CNTNAP2: variants seen among roughly 807,000 people sequenced by gnomAD.
The protein encoded by CNTNAP2 is contactin associated protein 2.
A neutral mutation model predicts 155.2 loss-of-function variants in CNTNAP2; 98 were observed. The observed-to-expected ratio is 0.63, with a 90% CI of 0.54 to 0.75. CNTNAP2 has a LOEUF of 0.75. Ranked by LOEUF, CNTNAP2 falls within the 30% of genes least tolerant of loss-of-function variation. CNTNAP2 has a pLI of 0.00. For missense variants in CNTNAP2, 1,727 were observed against 1,688.1 expected (o/e 1.02, Z -0.40); for synonymous variants, 651 against 631.2 (o/e 1.03, Z -0.47).
chr7:147,218,921 A>G (rs1400518103), intron 8 of CNTNAP2, among the ~76,000 whole-genome samples: 1 of 152,184 alleles, frequency 6.6e-6, no homozygotes, highest in African/African-American at 2.4e-5. Flanking sequence ...AGGCACATAC[A>G]TGTTAAGAAT....
chr7:148,357,151 G>A (rs745550165), intron 21 of CNTNAP2, among the ~76,000 whole-genome samples: 60 of 152,132 alleles, frequency 3.9e-4, no homozygotes, highest in Non-Finnish European at 2.2e-4. Context: ...CCAGTGGGAC[G>A]TAATTGAATC....
chr7:147,357,362 T>G (rs561322921), intron 9 of CNTNAP2, among the ~76,000 whole-genome samples: 1 of 152,198 alleles, frequency 6.6e-6, no homozygotes, highest in Non-Finnish European at 1.5e-5. Flanking sequence ...CCACACAGCA[T>G]TCTTAGCATT....
intron 2 of CNTNAP2, among the ~76,000 whole-genome samples, chr7:146,807,805 T>C (rs1223619589): frequency 1.3e-5 from 2 of 152,052 alleles, no homozygotes; most frequent in Non-Finnish European, 2.9e-5. Context: ...TCTCATGAGG[T>C]ATGTTCTTCC....
intron 15 of CNTNAP2, among the ~76,000 whole-genome samples, chr7:148,066,214 G>A (rs1399832861): frequency 6.6e-6 from 1 of 152,170 alleles, no homozygotes. Flanking sequence ...CAGCTCGTAA[G>A]ATTCTTTCCT....
intron 8 of CNTNAP2, among the ~76,000 whole-genome samples, chr7:147,268,138 G>A (rs565454258): frequency 7.9e-5 from 12 of 152,196 alleles, no homozygotes; most frequent in Non-Finnish European, 1.2e-4. Context: ...TTTATAAATG[G>A]TGTTTAATGC....
intron 2 of CNTNAP2, among the ~76,000 whole-genome samples, chr7:146,788,186 C>G (rs900246848): frequency 6.6e-6 from 1 of 152,224 alleles, no homozygotes; most frequent in Non-Finnish European, 1.5e-5. Context: ...CGGCGCCCAC[C>G]TGGAACCCGT....
At chr7:146,621,029 T>C (rs934241424) in intron 1 of CNTNAP2, among the ~76,000 whole-genome samples, 1 of 152,146 alleles carries the variant, frequency 6.6e-6, no homozygotes, top group African/African-American at 2.4e-5. Flanking sequence ...TTTAGCTACA[T>C]TGAACCGGGA....
intron 4 of CNTNAP2, among the ~76,000 whole-genome samples, chr7:147,104,944 G>GATAGAT (rs1472812467): frequency 2.2e-5 from 3 of 134,022 alleles, no homozygotes; most frequent in Non-Finnish European, 4.7e-5. Flanking sequence ...TATATAGTTG[G>GATAGAT]ATAGATATTT....
chr7:146,787,217 G>A (rs1040158799), intron 2 of CNTNAP2, among the ~76,000 whole-genome samples: 1 of 152,172 alleles, frequency 6.6e-6, no homozygotes, highest in Non-Finnish European at 1.5e-5. Context: ...TCTAGAGGGT[G>A]GAAGTTAAAA....
intron 10 of CNTNAP2, among the ~76,000 whole-genome samples, chr7:147,401,432 T>C (rs1796910224): frequency 1.3e-5 from 2 of 152,204 alleles, no homozygotes; most frequent in South Asian, 4.1e-4. Context: ...TTTTCAAGAA[T>C]ATCCAGTTTG....
At chr7:147,680,747 G>GCT (rs373834954) in intron 13 of CNTNAP2, among the ~76,000 whole-genome samples, 15 of 150,142 alleles carry the variant, frequency 1.0e-4, no homozygotes, top group Admixed American at 7.3e-4. Context: ...CATTGCACAT[G>GCT]CTCTCTCTCT....
chr7:147,195,085 G>T (rs1802758615), intron 8 of CNTNAP2, among the ~76,000 whole-genome samples: 1 of 152,088 alleles, frequency 6.6e-6, no homozygotes, highest in Non-Finnish European at 1.5e-5. Context: ...TCCATCTTGA[G>T]TTAATTTTTG....
chr7:146,394,131 G>T (rs554774046), intron 1 of CNTNAP2, among the ~76,000 whole-genome samples: 1 of 152,194 alleles, frequency 6.6e-6, no homozygotes, highest in South Asian at 2.1e-4. Flanking sequence ...TAGAGCCAGG[G>T]TTAGTACACC....
intron 15 of CNTNAP2, among the ~76,000 whole-genome samples, chr7:148,048,320 A>T (rs1195926514): frequency 6.6e-6 from 1 of 152,052 alleles, no homozygotes; most frequent in Non-Finnish European, 1.5e-5. Context: ...GTATCACTCA[A>T]CTTCTGGGGG....
intron 2 of CNTNAP2, among the ~76,000 whole-genome samples, chr7:146,822,948 C>T (rs1182507869): frequency 1.9e-4 from 18 of 96,044 alleles, no homozygotes; most frequent in African/African-American, 3.5e-4. Flanking sequence ...CATTCTTCAG[C>T]ATATTTACAT....
chr7:148,305,904 C>T (rs1797482684), intron 21 of CNTNAP2, among the ~76,000 whole-genome samples: 2 of 152,160 alleles, frequency 1.3e-5, no homozygotes, highest in Non-Finnish European at 1.5e-5. Context: ...ACCTGGGCCT[C>T]CGGATGGCAT....
intron 1 of CNTNAP2, among the ~76,000 whole-genome samples, chr7:146,395,824 GAGGAGA>G (rs1188933359): frequency 4.8e-4 from 63 of 131,202 alleles, no homozygotes; most frequent in South Asian, 8.9e-4. Context: ...TAGATAGATA[GAGGAGA>G]GAGAGAGAGA....
chr7:146,880,652 T>C (rs191141271), intron 3 of CNTNAP2, among the ~76,000 whole-genome samples: 2 of 152,164 alleles, frequency 1.3e-5, no homozygotes, highest in Middle Eastern at 3.4e-3. Context: ...ATTTAAGGAG[T>C]ATATTTTCTA....
intron 11 of CNTNAP2, among the ~76,000 whole-genome samples, chr7:147,538,186 C>T (rs1799580949): frequency 6.6e-6 from 1 of 152,038 alleles, no homozygotes; most frequent in African/African-American, 2.4e-5. Context: ...TCAAGGTGGC[C>T]AAAAAATCAA....
Sources: gnomAD v4.1 joint callset for allele counts (sites outside exome capture counted in the v4.1 genomes callset) on GRCh38, gnomAD v4.1.1 for gene constraint, MANE v1.5 for transcripts, NCBI Gene and HGNC (gene_info 2026-07-23, HGNC 2026-07-21) for gene names.